Variants in MAPRE2 observed in about 807,000 individuals in gnomAD.
MAPRE2 encodes microtubule associated protein RP/EB family member 2, also known as microtubule-associated protein RP/EB family member 2.
MAPRE2 carries 13 observed loss-of-function variants against 43.2 expected under a neutral mutation model. That is an observed-to-expected ratio of 0.30 (90% CI 0.20 to 0.48). The LOEUF is 0.48. MAPRE2 is among the 20% of genes least tolerant of loss of function. The pLI is 0.99. For missense variants in MAPRE2, 161 were observed against 400.2 expected (o/e 0.40, Z 5.10); for synonymous variants, 135 against 148.8 (o/e 0.91, Z 0.68).
At chr18:34,985,636 A>G (rs1410831305) in intron 1 of MAPRE2, among the ~76,000 whole-genome samples, 1 of 104,672 alleles carries the variant, frequency 9.6e-6, no homozygotes, top group Non-Finnish European at 1.8e-5. Context: ...CATATATATT[A>G]TAATAATATA....
At chr18:34,987,886 AC>A (rs1386500032) in intron 1 of MAPRE2, among the ~76,000 whole-genome samples, 1 of 152,072 alleles carries the variant, frequency 6.6e-6, no homozygotes, top group Non-Finnish European at 1.5e-5. Flanking sequence ...CAAACAATCC[AC>A]CCACCTCGGC....
At chr18:35,050,681 C>T (rs1303451188) in intron 1 of MAPRE2, among the ~76,000 whole-genome samples, 7 of 152,154 alleles carry the variant, frequency 4.6e-5, no homozygotes, top group Non-Finnish European at 1.0e-4. Context: ...ACTGAGATTG[C>T]AGGTAATTGC....
chr18:35,080,104 T>C (rs1316836811), intron 2 of MAPRE2, among the ~76,000 whole-genome samples: 2 of 152,220 alleles, frequency 1.3e-5, no homozygotes, highest in African/African-American at 4.8e-5. Flanking sequence ...TCAATAAATA[T>C]TTATGAAGTT....
At chr18:35,048,637 CTATATGTG>C (rs1482027897) in intron 1 of MAPRE2, among the ~76,000 whole-genome samples, 11 of 148,160 alleles carry the variant, frequency 7.4e-5, no homozygotes, top group Admixed American at 1.3e-4. Flanking sequence ...AACACATATA[CTATATGTG>C]TATATGTGTT....
rs554582252 is a variant in MAPRE2 at position 35,112,248 on chromosome 18, A to T, written c.610+10089A>T. Among the ~76,000 whole-genome samples the T allele has an allele frequency of 9.1e-4, 134 of 146,890 alleles. 1 individual carries two copies. In the Middle Eastern group the frequency reaches 0.014, roughly 15 times the overall value. ...GCCCAGGCTGGAGTGCAATGGTGCA[A>T]CCTCCGCCTCCTGGGTTCAATCAAG... On this transcript the variant is annotated intron_variant, in intron 4 of 6. Transcript: ENST00000300249.
At chr18:35,012,218 A>G (rs910220623) in intron 2 of MAPRE2, among the ~76,000 whole-genome samples, 2 of 152,192 alleles carry the variant, frequency 1.3e-5, no homozygotes, top group African/African-American at 4.8e-5. Flanking sequence ...TGTGACGTTA[A>G]AAAAGATATA....
At chr18:34,979,819 A>G (rs1214981841) in intron 1 of MAPRE2, among the ~76,000 whole-genome samples, 4 of 152,128 alleles carry the variant, frequency 2.6e-5, no homozygotes, top group Non-Finnish European at 5.9e-5. Flanking sequence ...TGTCATCCCA[A>G]AAGGATTACT....
intron 1 of MAPRE2, among the ~76,000 whole-genome samples, chr18:35,049,254 A>G (rs769299417): frequency 6.6e-6 from 1 of 152,124 alleles, no homozygotes; most frequent in Admixed American, 6.6e-5. Flanking sequence ...ATTCCCTGAG[A>G]GGTCTTCATT....
Position 35,140,332 on chromosome 18 carries a change from C to T in MAPRE2, c.947C>T (p.Ala316Val), listed in dbSNP as rs1488746098. The T allele has an allele frequency of 6.2e-7, 1 of 1,613,802 alleles. No individual in the cohort carries two copies. Reference protein sequence around the residue: ...HTEEPEAEEQAHEQQPPQQEE... With the variant: ...HTEEPEAEEQVHEQQPPQQEE... ...GAAGAGCCGGAAGCAGAGGAGCAAG[C>T]CCACGAACAGCAGCCCCCGCAGCAG... is the stretch of plus-strand genomic sequence containing the variant. The change falls in exon 7 of 7, where the codon GCC becomes GTC. Residue 316 changes from alanine to valine, a missense_variant. Physicochemically the swap from Ala to Val is moderately conservative, Grantham distance 64. This residue lies in a region of MAPRE2 where 96 missense variants were observed against 153.3 expected (regional missense o/e 0.63). Transcript: ENST00000300249.
At chr18:34,980,687 C>T (rs1474415170) in intron 1 of MAPRE2, among the ~76,000 whole-genome samples, 2 of 152,112 alleles carry the variant, frequency 1.3e-5, no homozygotes, top group Non-Finnish European at 2.9e-5. Flanking sequence ...CATTTCATAC[C>T]CAACAATTTA....
intron 2 of MAPRE2, among the ~76,000 whole-genome samples, chr18:35,035,976 T>C (rs1161935805): frequency 6.8e-6 from 1 of 148,084 alleles, no homozygotes; most frequent in Non-Finnish European, 1.5e-5. Context: ...ATTCCCTTAT[T>C]CAACAAATAC....
intron 6 of MAPRE2, among the ~76,000 whole-genome samples, chr18:35,132,450 G>A (rs1248667553): frequency 6.6e-6 from 1 of 152,232 alleles, no homozygotes; most frequent in Non-Finnish European, 1.5e-5. Context: ...ATATGCTTAT[G>A]CAGCCAAACT....
At chr18:35,134,713 TC>T (rs1296194695) in intron 6 of MAPRE2, among the ~76,000 whole-genome samples, 11 of 152,222 alleles carry the variant, frequency 7.2e-5, no homozygotes, top group Non-Finnish European at 4.4e-5. Flanking sequence ...GTGGGTTTTC[TC>T]TAAATAACTC....
At position 34,985,327 on chromosome 18, in the gene MAPRE2, A is replaced by C. The variant is rs1305700187; in HGVS notation, c.-70+8248A>C. On this transcript the variant is annotated intron_variant, in intron 1 of 7. Transcript: ENST00000413393. The stretch of plus-strand genomic sequence containing the variant: ...TTGTATATATTATATTATATATATA[A>C]TATAATATATAATATATTATATTAT... 2.5e-3 allele frequency among the ~76,000 whole-genome samples: 99 copies of C among 40,122 alleles called. 3 individuals are homozygous for C. The highest frequency in any genetic ancestry group is 9.5e-3 in the African/African-American group (95 of 10,026). 26.3% of individuals were successfully genotyped at this position (40,122 alleles called of 152,430 possible).
At chr18:35,048,595 G>T (rs2150603517) in intron 1 of MAPRE2, among the ~76,000 whole-genome samples, 1 of 148,980 alleles carries the variant, frequency 6.7e-6, no homozygotes, top group Non-Finnish European at 1.5e-5. Context: ...ATGTGTGTAT[G>T]TATACTATAT....
At chr18:35,002,711 T>C (rs1334825472) in intron 1 of MAPRE2, among the ~76,000 whole-genome samples, 1 of 152,240 alleles carries the variant, frequency 6.6e-6, no homozygotes, top group African/African-American at 2.4e-5. Context: ...ATGTATATCC[T>C]CTTCAGTTAA....
At chr18:34,980,780 C>T (rs2097015834) in intron 1 of MAPRE2, among the ~76,000 whole-genome samples, 1 of 152,176 alleles carries the variant, frequency 6.6e-6, no homozygotes, top group South Asian at 2.1e-4. Context: ...AAATTTCACT[C>T]TCTACCCATT....
At chr18:35,107,457 A>G (rs1908960228) in intron 4 of MAPRE2, among the ~76,000 whole-genome samples, 1 of 152,098 alleles carries the variant, frequency 6.6e-6, no homozygotes, top group Non-Finnish European at 1.5e-5. Flanking sequence ...TTTGTTGAGC[A>G]CCTGTCATCT....
Position 35,030,416 on chromosome 18 carries a change from T to C in MAPRE2, c.-8+24863T>C, listed in dbSNP as rs558047785. On this transcript the variant is annotated intron_variant, in intron 2 of 7. Coordinates refer to the MAPRE2 transcript ENST00000413393. ...AGGTTAATCAGACCTTAGTGGAAGG[T>C]AGACTGAGCTAGGGAAAAAGAATGA... Among the ~76,000 whole-genome samples, 6 of 152,324 alleles carry C rather than the reference T, an allele frequency of 3.9e-5. No individual in the cohort carries two copies. In the East Asian group the frequency reaches 9.6e-4, roughly 24 times the overall value.
Sources: allele counts gnomAD v4.1 joint callset (sites outside exome capture counted in the v4.1 genomes callset), GRCh38; gene constraint gnomAD v4.1.1; regional missense constraint gnomAD v4.1.1; transcripts MANE v1.5; gene names NCBI Gene and HGNC (gene_info 2026-07-23, HGNC 2026-07-21).